AR: variants seen among roughly 807,000 people sequenced by gnomAD.
The protein encoded by AR is dihydrotestosterone receptor.
AR carries 8 observed loss-of-function variants against 53.9 expected under a neutral mutation model. That is an observed-to-expected ratio of 0.15 (90% CI 0.09 to 0.27). The LOEUF (loss-of-function observed/expected upper bound fraction) is 0.27. AR is among the 10% of genes least tolerant of loss of function. The pLI, the probability that AR is intolerant of heterozygous loss-of-function variation, is 1.00. For synonymous variants in AR, 359 were observed against 316.4 expected (o/e 1.13, Z -1.43); for missense variants, 639 against 742.5 (o/e 0.86, Z 1.62).
rs771543520 is a variant in AR at position 67,713,902 on chromosome X, G to A, written c.2173+2213G>A. Among the ~76,000 whole-genome samples the A allele has an allele frequency of 4.5e-5, 5 of 112,100 alleles. No individual in the cohort carries two copies. In the East Asian group the frequency reaches 1.4e-3, roughly 32 times the overall value. The stretch of plus-strand genomic sequence containing the variant: ...TTTAAAAGAATAGCTTCAAAAGAAA[G>A]CCAATTACCACATTCACAAGAACTG... On this transcript the variant is annotated intron_variant, in intron 4 of 7. Coordinates refer to ENST00000374690, the MANE Select transcript of AR (RefSeq NM_000044.6).
At chrX:67,624,705 A>G (rs1924535642) in intron 1 of AR, among the ~76,000 whole-genome samples, 1 of 109,781 alleles carries the variant, frequency 9.1e-6, no homozygotes, top group Non-Finnish European at 1.9e-5. Flanking sequence ...TGGAATGTAA[A>G]TTAACATTCA....
At chrX:67,648,166 G>A (rs1926144475) in intron 2 of AR, among the ~76,000 whole-genome samples, 1 of 111,100 alleles carries the variant, frequency 9.0e-6, no homozygotes, top group South Asian at 3.8e-4. Flanking sequence ...TGGCTTCTTG[G>A]TCCTGAGCTT....
intron 2 of AR, among the ~76,000 whole-genome samples, chrX:67,644,104 T>A (rs754956988): frequency 2.7e-5 from 3 of 112,546 alleles, no homozygotes; most frequent in South Asian, 7.4e-4. Context: ...CTTAGTTTTA[T>A]TTAGCTTAGA....
chrX:67,621,748 A>T (rs960471037), intron 1 of AR, among the ~76,000 whole-genome samples: 2 of 111,683 alleles, frequency 1.8e-5, no homozygotes, highest in African/African-American at 6.5e-5. Flanking sequence ...CTCCAGTTCA[A>T]TTAAATCAGA....
chrX:67,711,746 C>A (rs2147525576), intron 4 of AR, 57 bp downstream of exon 4: 1 of 1,107,990 alleles, frequency 9.0e-7, no homozygotes, highest in Non-Finnish European at 1.2e-6. Flanking sequence ...AGTGAACGCT[C>A]CTATGGACCA....
chrX:67,642,723 A>T (rs1727527115), intron 1 of AR, among the ~76,000 whole-genome samples: 1 of 111,936 alleles, frequency 8.9e-6, no homozygotes, highest in African/African-American at 3.2e-5. Flanking sequence ...ATGGCATTTT[A>T]TCCATTATCT....
At chrX:67,713,369 G>T (rs1190346856) in intron 4 of AR, among the ~76,000 whole-genome samples, 1 of 111,015 alleles carries the variant, frequency 9.0e-6, no homozygotes, top group Admixed American at 9.6e-5. Context: ...GGTTCACTCA[G>T]AGAGGAAAAA....
intron 3 of AR, among the ~76,000 whole-genome samples, chrX:67,694,413 A>G (rs955942324): frequency 1.2e-4 from 13 of 109,660 alleles, no homozygotes; most frequent in Admixed American, 4.0e-4. Flanking sequence ...ATATGTATAT[A>G]TATAGTATAT....
chrX:67,676,158 C>A (rs889264186), intron 2 of AR, among the ~76,000 whole-genome samples: 3 of 112,177 alleles, frequency 2.7e-5, no homozygotes, highest in African/African-American at 9.7e-5. Context: ...ACAACCATGT[C>A]TATTTTTAAA....
chrX:67,674,670 C>T (rs1411091282), intron 2 of AR, among the ~76,000 whole-genome samples: 1 of 111,171 alleles, frequency 9.0e-6, no homozygotes, highest in African/African-American at 3.3e-5. Context: ...TGAATGCTAC[C>T]AAGGCTGAGT....
At chrX:67,596,078 C>A (rs1348579302) in intron 1 of AR, among the ~76,000 whole-genome samples, 5 of 109,759 alleles carry the variant, frequency 4.6e-5, no homozygotes, top group Non-Finnish European at 7.6e-5. Flanking sequence ...TGTATAGCAC[C>A]TCCCCCCTTG....
At chrX:67,704,236 G>T (rs2076055379) in intron 3 of AR, among the ~76,000 whole-genome samples, 1 of 111,902 alleles carries the variant, frequency 8.9e-6, no homozygotes, top group Non-Finnish European at 1.9e-5. Context: ...CTTCCACAAT[G>T]GTTGAACTAG....
intron 1 of AR, among the ~76,000 whole-genome samples, chrX:67,582,432 A>G (rs1004144918): frequency 1.8e-5 from 2 of 111,694 alleles, no homozygotes; most frequent in African/African-American, 6.5e-5. Context: ...AGATTAGGTG[A>G]TATTTTCTCC....
intron 3 of AR, chrX:67,694,935 CT>C: frequency 9.7e-7 from 1 of 1,030,115 alleles, no homozygotes; most frequent in East Asian, 3.6e-5. Flanking sequence ...TGAGGACGGG[CT>C]GTAGAAGTAA....
At chrX:67,632,984 A>T (rs1198880040) in intron 1 of AR, among the ~76,000 whole-genome samples, 1 of 112,014 alleles carries the variant, frequency 8.9e-6, no homozygotes, top group Non-Finnish European at 1.9e-5. Context: ...ACCTATTAAG[A>T]TGGCTATAGA....
chrX:67,653,476 T>C (rs1280543309), intron 2 of AR, among the ~76,000 whole-genome samples: 1 of 110,478 alleles, frequency 9.1e-6, no homozygotes, highest in Non-Finnish European at 1.9e-5. Context: ...TGGATAAGAG[T>C]TTGCCAGATA....
intron 4 of AR, among the ~76,000 whole-genome samples, chrX:67,713,191 G>A (rs1488865641): frequency 1.4e-4 from 15 of 110,834 alleles, no homozygotes. Flanking sequence ...GACATTTCAT[G>A]TTGGCTGTCA....
Position 67,545,419 on chromosome X carries a change from G to A in AR, c.273G>A (p.Gln91=), listed in dbSNP as rs2147315373. The stretch of plus-strand genomic sequence containing the variant: ...GCCCCAGGCAGCAGCAGCAGCAGCA[G>A]GGTGAGGATGGTTCTCCCCAAGCCC... ...ETSPRQQQQQ[Q]GEDGSPQAHR... Residue 91 remains glutamine, a synonymous_variant, in exon 1 of 8, where the codon CAG becomes CAA. Transcript: ENST00000374690. 1.7e-6 allele frequency: 2 copies of A among 1,197,292 alleles called. No homozygotes were observed. The highest frequency in any genetic ancestry group is 4.5e-5 in the Admixed American group (2 of 44,225).
At chrX:67,631,160 G>A (rs1264264572) in intron 1 of AR, among the ~76,000 whole-genome samples, 1 of 110,968 alleles carries the variant, frequency 9.0e-6, no homozygotes, top group East Asian at 2.8e-4. Flanking sequence ...GGCATTCTCT[G>A]TATTTCCTGA....
Sources: gnomAD v4.1 joint callset for allele counts (sites outside exome capture counted in the v4.1 genomes callset) on GRCh38, gnomAD v4.1.1 for gene constraint, MANE v1.5 for transcripts, NCBI Gene and HGNC (gene_info 2026-07-23, HGNC 2026-07-21) for gene names.